Variants in SLC7A11 observed in about 807,000 individuals in gnomAD.
SLC7A11 encodes the protein cystine/glutamate transporter.
In SLC7A11, 35 loss-of-function variants were observed where a neutral mutation model predicts 54.5. The observed-to-expected ratio is 0.64, with a 90% CI of 0.49 to 0.85. The LOEUF (loss-of-function observed/expected upper bound fraction) is 0.85. SLC7A11 is among the 40% of genes least tolerant of loss of function. The pLI is 0.00. For missense variants in SLC7A11, 583 were observed against 618.1 expected, an observed-to-expected ratio of 0.94 and a Z score of 0.60; for synonymous variants, 230 against 225.2, an observed-to-expected ratio of 1.02 and a Z score of -0.19.
rs1206717728 is a variant in SLC7A11 at position 138,168,713 on chromosome 4, A to G, written c.*3243T>C. ...AATAAGCTGTCCAAATTTTGTGTCC[A>G]CAGGGCTGAGGAGCTACAGTCTAAA... On this transcript the variant is annotated 3_prime_UTR_variant, in exon 12 of 12. Coordinates refer to ENST00000280612, the MANE Select transcript of SLC7A11 (RefSeq NM_014331.4). 1 of 152,168 alleles carries G rather than the reference A, an allele frequency of 6.6e-6. No homozygotes were observed. Among genetic ancestry groups the G allele is most frequent in the South Asian group, 2.1e-4 (1 of 4,832 alleles). 9.4% of individuals were successfully genotyped at this position (152,168 alleles called of 1,614,324 possible).
chr4:138,176,901 T>A (rs1736583652), intron 11 of SLC7A11: 1 of 152,052 alleles, frequency 6.6e-6, no homozygotes, highest in South Asian at 2.1e-4. Flanking sequence ...ATATTTAGTG[T>A]CTAGAACACA....
chr4:138,241,200 A>C (rs1023210208), intron 1 of SLC7A11, among the ~76,000 whole-genome samples: 1 of 152,248 alleles, frequency 6.6e-6, no homozygotes, highest in Non-Finnish European at 1.5e-5. Context: ...GGCCATTGCA[A>C]TATACCCCAT....
chr4:138,181,836 CAAAT>C (rs1736750429), intron 9 of SLC7A11, among the ~76,000 whole-genome samples: 1 of 152,050 alleles, frequency 6.6e-6, no homozygotes, highest in African/African-American at 2.4e-5. Context: ...TCAAATGTCT[CAAAT>C]GAATCATGGC....
intron 3 of SLC7A11, among the ~76,000 whole-genome samples, chr4:138,230,261 G>A (rs1422737331): frequency 2.0e-5 from 3 of 151,996 alleles, no homozygotes; most frequent in Non-Finnish European, 4.4e-5. Context: ...CCTGCTTGAG[G>A]GTGTTTGGAA....
At chr4:138,173,250 T>A (rs1736481280) in intron 11 of SLC7A11, among the ~76,000 whole-genome samples, 1 of 152,164 alleles carries the variant, frequency 6.6e-6, no homozygotes, top group Non-Finnish European at 1.5e-5. Context: ...GCCCAGATAG[T>A]CTTTCATCTG....
rs1217627713 is a variant in SLC7A11, at chr4:138,170,261, T to G, written c.*1695A>C. 1.0e-5 allele frequency: 1 copy of G among 97,050 alleles called. No homozygotes were observed. The highest frequency in any genetic ancestry group is 3.6e-5 in the African/African-American group (1 of 27,458). The allele number at this position is 97,050 out of a possible 1,614,324, so 6.0% of individuals were successfully genotyped here. A position where few individuals can be genotyped will look rare whatever the true frequency, so the allele number is the denominator to read the frequency against. ...GTGTGTGTGTGTGTGTATATATATA[T>G]ATATATATATACACACACACACACA... On this transcript the variant is annotated 3_prime_UTR_variant, in exon 12 of 12. Coordinates refer to ENST00000280612, the MANE Select transcript of SLC7A11 (RefSeq NM_014331.4).
intron 3 of SLC7A11, among the ~76,000 whole-genome samples, chr4:138,225,254 A>C (rs1203380351): frequency 6.6e-6 from 1 of 150,610 alleles, no homozygotes; most frequent in Non-Finnish European, 1.5e-5. Context: ...AAATTTTCAA[A>C]AGTAAATGAA....
chr4:138,214,535 T>A (rs750467314), intron 6 of SLC7A11, 50 bp downstream of exon 6: 3 of 1,093,668 alleles, frequency 2.7e-6, no homozygotes, highest in South Asian at 3.0e-5. Flanking sequence ...AACTATGTAA[T>A]CTTAAATTTT....
At chr4:138,174,580 G>A (rs772698227) in intron 11 of SLC7A11, 12 of 152,194 alleles carry the variant, frequency 7.9e-5, no homozygotes, top group Admixed American at 1.3e-4. Flanking sequence ...TCTTACAGCA[G>A]TGGACCAGAC....
intron 1 of SLC7A11, among the ~76,000 whole-genome samples, chr4:138,237,720 TATATATATATATATA>T (rs1738254012): frequency 2.2e-4 from 2 of 9,214 alleles, no homozygotes; most frequent in African/African-American, 3.5e-4. Flanking sequence ...TATATATATA[TATATATATATATATA>T]TATTTTTTTT....
chr4:138,231,107 C>T (rs1267391026), intron 3 of SLC7A11, among the ~76,000 whole-genome samples: 9 of 152,124 alleles, frequency 5.9e-5, no homozygotes, highest in South Asian at 2.1e-4. Context: ...ACCATAGGTT[C>T]TCACTTATAA....
intron 3 of SLC7A11, among the ~76,000 whole-genome samples, chr4:138,227,469 C>A (rs1416640549): frequency 6.6e-6 from 1 of 152,122 alleles, no homozygotes; most frequent in Non-Finnish European, 1.5e-5. Context: ...TAAATATAAA[C>A]TTATTTTATG....
At chr4:138,207,845 T>C (rs1439217173) in intron 6 of SLC7A11, among the ~76,000 whole-genome samples, 1 of 152,132 alleles carries the variant, frequency 6.6e-6, no homozygotes, top group African/African-American at 2.4e-5. Flanking sequence ...GCCTATTTTG[T>C]TTTCTTATGT....
intron 3 of SLC7A11, among the ~76,000 whole-genome samples, chr4:138,230,841 A>G (rs1738059896): frequency 1.3e-5 from 2 of 152,222 alleles, no homozygotes; most frequent in South Asian, 4.1e-4. Flanking sequence ...TAGACTTCTC[A>G]GAAAATCAAG....
chr4:138,197,052 AAGAAGAAAG>A (rs1737155114), intron 6 of SLC7A11, among the ~76,000 whole-genome samples: 1 of 152,238 alleles, frequency 6.6e-6, no homozygotes. Context: ...TTGGTTCAAA[AAGAAGAAAG>A]ATGTCAAGAA....
chr4:138,195,047 G>A (rs528980073), intron 6 of SLC7A11, among the ~76,000 whole-genome samples: 10 of 152,124 alleles, frequency 6.6e-5, no homozygotes, highest in Non-Finnish European at 1.2e-4. Flanking sequence ...CTGAAGATGT[G>A]ATTCTGTCCT....
At chr4:138,233,061 A>G (rs1367409062) in intron 2 of SLC7A11, among the ~76,000 whole-genome samples, 2 of 152,124 alleles carry the variant, frequency 1.3e-5, no homozygotes, top group Non-Finnish European at 2.9e-5. Context: ...TAGGTAATAC[A>G]TCTTTCTATT....
chr4:138,190,537 C>G (rs958854575), intron 6 of SLC7A11, among the ~76,000 whole-genome samples: 3 of 152,124 alleles, frequency 2.0e-5, no homozygotes, highest in Non-Finnish European at 2.9e-5. Context: ...TCTCTCACTT[C>G]TCTCTTTTCA....
At chr4:138,186,918 G>A (rs1195668620) in intron 6 of SLC7A11, among the ~76,000 whole-genome samples, 1 of 152,062 alleles carries the variant, frequency 6.6e-6, no homozygotes, top group African/African-American at 2.4e-5. Context: ...ATGGAGGAGA[G>A]AGGAAGAGAG....
Sources: gnomAD v4.1 joint callset for allele counts (sites outside exome capture counted in the v4.1 genomes callset) on GRCh38, gnomAD v4.1.1 for gene constraint, MANE v1.5 for transcripts, NCBI Gene and HGNC (gene_info 2026-07-23, HGNC 2026-07-21) for gene names.